The following DAB1 variants were observed in gnomAD, a reference collection of about 807,000 sequenced individuals.
The protein encoded by DAB1 is disabled homolog 1.
Under a neutral mutation model 64.6 loss-of-function variants are expected in DAB1, and 15 were observed. That is an observed-to-expected ratio of 0.23 (90% CI 0.16 to 0.36). DAB1 has a LOEUF of 0.36. Among genes scored for constraint, DAB1 ranks in the 10% least tolerant of loss-of-function variants. The pLI is 1.00. For synonymous variants in DAB1, 235 were observed against 251.9 expected (o/e 0.93, Z 0.64); for missense variants, 596 against 706.7 (o/e 0.84, Z 1.78).
At chr1:57,190,139 C>A (rs1663995147) in intron 2 of DAB1, among the ~76,000 whole-genome samples, 1 of 152,170 alleles carries the variant, frequency 6.6e-6, no homozygotes. Context: ...TGCTGAACCC[C>A]ACACCCAGAG....
intron 7 of DAB1, among the ~76,000 whole-genome samples, chr1:57,581,060 C>T (rs991892752): frequency 6.6e-6 from 1 of 152,202 alleles, no homozygotes; most frequent in Non-Finnish European, 1.5e-5. Flanking sequence ...CCTCTCTGGG[C>T]CTCCTCTTTG....
intron 5 of DAB1, among the ~76,000 whole-genome samples, chr1:58,007,576 C>G (rs1646604060): frequency 6.6e-6 from 1 of 152,192 alleles, no homozygotes. Flanking sequence ...GGAAGTCATG[C>G]CAATCATGTT....
intron 1 of DAB1, among the ~76,000 whole-genome samples, chr1:57,418,012 T>C (rs1684618904): frequency 6.6e-6 from 1 of 152,058 alleles, no homozygotes; most frequent in Non-Finnish European, 1.5e-5. Flanking sequence ...GTTCCACAGC[T>C]GTATACATAT....
intron 7 of DAB1, among the ~76,000 whole-genome samples, chr1:57,456,592 A>C (rs2101167250): frequency 6.6e-6 from 1 of 152,282 alleles, no homozygotes; most frequent in African/African-American, 2.4e-5. Flanking sequence ...GGTTGGAGGA[A>C]GCTTCTCTCA....
At chr1:58,092,449 T>C (rs1347223126) in intron 5 of DAB1, among the ~76,000 whole-genome samples, 2 of 152,178 alleles carry the variant, frequency 1.3e-5, no homozygotes, top group African/African-American at 4.8e-5. Context: ...ATCACATTCC[T>C]GGGCTGGTTT....
intron 4 of DAB1, among the ~76,000 whole-genome samples, chr1:58,279,819 G>A (rs1661516759): frequency 6.6e-6 from 1 of 152,168 alleles, no homozygotes; most frequent in Non-Finnish European, 1.5e-5. Context: ...TGGCTGTGAA[G>A]AGGAGGTTTT....
At chr1:57,501,293 G>A in intron 7 of DAB1, among the ~76,000 whole-genome samples, 1 of 152,226 alleles carries the variant, frequency 6.6e-6, no homozygotes, top group East Asian at 1.9e-4. Flanking sequence ...CCATCAGGGA[G>A]AATGGAGGTA....
rs75788317 is a variant in DAB1, at chr1:57,103,513, C to T, written c.307-31099G>A. Among the ~76,000 whole-genome samples, 23 of 152,206 alleles carry T rather than the reference C, an allele frequency of 1.5e-4. No homozygotes were observed. The East Asian group carries it at 4.5e-3, about 30-fold the overall frequency. On this transcript the variant is annotated intron_variant, in intron 4 of 14. Coordinates refer to ENST00000371236, the MANE Select transcript of DAB1 (RefSeq NM_001365792.1). ...AATGAGATCACCCTTTGCAAAGTAC[C>T]TAGAGCAGATCCCGGGAGTACAGTA... is the stretch of plus-strand genomic sequence containing the variant.
At chr1:57,524,524 T>A (rs180943591) in intron 7 of DAB1, among the ~76,000 whole-genome samples, 1 of 152,302 alleles carries the variant, frequency 6.6e-6, no homozygotes, top group Non-Finnish European at 1.5e-5. Context: ...TTATCATTAG[T>A]TCTTACAGGT....
At chr1:57,237,850 T>A (rs1277489729) in intron 2 of DAB1, among the ~76,000 whole-genome samples, 1 of 152,310 alleles carries the variant, frequency 6.6e-6, no homozygotes, top group East Asian at 1.9e-4. Flanking sequence ...GGCAAAGGGA[T>A]GATGAATTAC....
At chr1:57,470,574 G>A (rs986615523) in intron 7 of DAB1, among the ~76,000 whole-genome samples, 1 of 152,124 alleles carries the variant, frequency 6.6e-6, no homozygotes, top group Non-Finnish European at 1.5e-5. Context: ...GAAGGGGATA[G>A]CCCCCAAAAA....
In DAB1 at chr1:57,218,047, A is replaced by C. The variant is rs531964847; in HGVS notation, c.68-72618T>G. 1.2e-4 allele frequency among the ~76,000 whole-genome samples: 19 copies of C among 152,292 alleles called. No homozygotes were observed. In the South Asian group the frequency reaches 3.3e-3, roughly 27 times the overall value. ...AGACCCATAATTATGGAAACGTGACAAGTACCAAAATACTGCATTATACCA... is the reference window on the plus strand; with the variant it reads ...AGACCCATAATTATGGAAACGTGACCAGTACCAAAATACTGCATTATACCA... On this transcript the variant is annotated intron_variant, in intron 2 of 14. Coordinates refer to ENST00000371236, the MANE Select transcript of DAB1 (RefSeq NM_001365792.1).
intron 4 of DAB1, among the ~76,000 whole-genome samples, chr1:58,311,111 C>A (rs1452359893): frequency 2.0e-5 from 3 of 152,102 alleles, no homozygotes; most frequent in African/African-American, 7.2e-5. Context: ...AGTTCCTCAT[C>A]CCCCACCCTA....
intron 5 of DAB1, among the ~76,000 whole-genome samples, chr1:58,036,858 C>T (rs1647052280): frequency 6.6e-6 from 1 of 152,130 alleles, no homozygotes; most frequent in South Asian, 2.1e-4. Context: ...CTTCTTCTCC[C>T]TAGATACACA....
chr1:58,418,326 A>T (rs576945005), intron 3 of DAB1, among the ~76,000 whole-genome samples: 2 of 152,326 alleles, frequency 1.3e-5, no homozygotes, highest in East Asian at 3.9e-4. Flanking sequence ...TAGGAGAAAA[A>T]GCCTTATAAT....
intron 1 of DAB1, among the ~76,000 whole-genome samples, chr1:57,322,792 A>C (rs1675827225): frequency 1.3e-5 from 2 of 152,196 alleles, no homozygotes; most frequent in African/African-American, 4.8e-5. Context: ...GCACTTAGAA[A>C]ATGCTAACCT....
At position 58,030,524 on chromosome 1, in the gene DAB1, T is replaced by C. The variant is rs371120649; in HGVS notation, n.387+119987A>G. ...AGATTTAGCCTGTTCATCTAACCGGTCACTGATCTGTAAAAATATCAGATG... is the reference window on the plus strand; with the variant it reads ...AGATTTAGCCTGTTCATCTAACCGGCCACTGATCTGTAAAAATATCAGATG... On this transcript the variant is annotated intron_variant and non_coding_transcript_variant, in intron 5 of 20. Transcript: ENST00000485760. Among the ~76,000 whole-genome samples the C allele has an allele frequency of 6.0e-4, 91 of 152,320 alleles. No homozygotes were observed. In the South Asian group the frequency reaches 0.011, roughly 19 times the overall value.
At chr1:57,427,562 A>G (rs1252012814), upstream of DAB1, among the ~76,000 whole-genome samples, 2 of 147,704 alleles carry the variant, frequency 1.4e-5, no homozygotes, top group Admixed American at 6.7e-5. Context: ...CTACTCCTCC[A>G]AAGAAAGGGA....
intron 3 of DAB1, among the ~76,000 whole-genome samples, chr1:58,352,690 ATGTT>A (rs1417120056): frequency 1.3e-5 from 2 of 152,286 alleles, no homozygotes; most frequent in African/African-American, 4.8e-5. Context: ...TATGGCCTGA[ATGTT>A]TGTGCACTCC....
Sources: allele counts gnomAD v4.1 joint callset (sites outside exome capture counted in the v4.1 genomes callset), GRCh38; gene constraint gnomAD v4.1.1; transcripts MANE v1.5; gene names NCBI Gene and HGNC (gene_info 2026-07-23, HGNC 2026-07-21).